OPCML: variants seen among roughly 807,000 people sequenced by gnomAD.
OPCML encodes the protein opioid binding protein/cell adhesion molecule like, also known as opioid-binding protein/cell adhesion molecule.
A neutral mutation model predicts 37.8 loss-of-function variants in OPCML; 13 were observed. That is an observed-to-expected ratio of 0.34 (90% CI 0.22 to 0.55). The LOEUF (loss-of-function observed/expected upper bound fraction) is 0.55. Ranked by LOEUF, OPCML falls within the 20% of genes least tolerant of loss-of-function variation. The probability of loss-of-function intolerance (pLI) is 0.91; values close to 1 mark genes in which losing one functional copy is unlikely to be tolerated. For synonymous variants in OPCML, 176 were observed against 168.8 expected (o/e 1.04, Z -0.33); for missense variants, 341 against 435.6 (o/e 0.78, Z 1.93).
At chr11:132,724,480 CACA>C (rs1944798958) in intron 2 of OPCML, among the ~76,000 whole-genome samples, 1 of 152,092 alleles carries the variant, frequency 6.6e-6, no homozygotes, top group Admixed American at 6.5e-5. Context: ...TGGTTCCTCC[CACA>C]ACAAGTTGGA....
At chr11:132,834,875 T>G (rs1940917120) in intron 2 of OPCML, among the ~76,000 whole-genome samples, 1 of 151,986 alleles carries the variant, frequency 6.6e-6, no homozygotes. Flanking sequence ...TGCAATGACA[T>G]TAAGATTAAA....
At chr11:133,220,780 A>T (rs1031221255) in intron 1 of OPCML, among the ~76,000 whole-genome samples, 2 of 151,226 alleles carry the variant, frequency 1.3e-5, no homozygotes, top group Admixed American at 1.3e-4. Flanking sequence ...CAAGCTCTGG[A>T]CTCCAAAGGA....
chr11:132,485,673 C>A (rs2137042227), intron 4 of OPCML, among the ~76,000 whole-genome samples: 1 of 152,258 alleles, frequency 6.6e-6, no homozygotes, highest in Non-Finnish European at 1.5e-5. Flanking sequence ...TGGCTGGCTT[C>A]TTTTGCTTAA....
intron 1 of OPCML, among the ~76,000 whole-genome samples, chr11:133,506,921 C>G (rs1327129105): frequency 6.6e-6 from 1 of 152,260 alleles, no homozygotes; most frequent in East Asian, 1.9e-4. Flanking sequence ...CCATTTGAAT[C>G]TGTGGTTCCC....
intron 7 of OPCML, among the ~76,000 whole-genome samples, chr11:132,429,584 C>A (rs1041567832): frequency 6.6e-6 from 1 of 152,004 alleles, no homozygotes; most frequent in Admixed American, 6.6e-5. Flanking sequence ...GAGACCCCTG[C>A]GGAATATTCA....
intron 1 of OPCML, among the ~76,000 whole-genome samples, chr11:133,138,568 A>C (rs1191325558): frequency 6.6e-6 from 1 of 152,192 alleles, no homozygotes; most frequent in East Asian, 1.9e-4. Flanking sequence ...AATCTGCTTA[A>C]TTTCCTGTTT....
At chr11:132,730,460 C>T (rs1945040054) in intron 2 of OPCML, among the ~76,000 whole-genome samples, 1 of 151,976 alleles carries the variant, frequency 6.6e-6, no homozygotes, top group Non-Finnish European at 1.5e-5. Context: ...AGCTCTGATC[C>T]TCCCTTGATA....
chr11:133,364,265 A>G (rs1212244636), intron 1 of OPCML, among the ~76,000 whole-genome samples: 1 of 152,230 alleles, frequency 6.6e-6, no homozygotes. Flanking sequence ...ACTACCAGCT[A>G]TTGCAGAATG....
chr11:133,358,981 A>G (rs548397446), intron 1 of OPCML, among the ~76,000 whole-genome samples: 16 of 151,510 alleles, frequency 1.1e-4, no homozygotes, highest in African/African-American at 3.4e-4. Context: ...GTGATAGGAG[A>G]TGAGGGATGA....
intron 3 of OPCML, among the ~76,000 whole-genome samples, chr11:132,628,365 CA>C (rs904398542): frequency 1.3e-5 from 2 of 151,938 alleles, no homozygotes; most frequent in African/African-American, 4.8e-5. Flanking sequence ...TTACTGGCAA[CA>C]AAAAAAATTT....
chr11:132,755,142 C>T (rs1160298262), intron 2 of OPCML, among the ~76,000 whole-genome samples: 2 of 152,076 alleles, frequency 1.3e-5, no homozygotes, highest in Non-Finnish European at 2.9e-5. Flanking sequence ...TGACAATTTC[C>T]TATGGTTCAA....
chr11:133,250,696 G>C (rs1941103203), intron 1 of OPCML, among the ~76,000 whole-genome samples: 1 of 152,192 alleles, frequency 6.6e-6, no homozygotes, highest in African/African-American at 2.4e-5. Flanking sequence ...AAAGAATACA[G>C]TGTTTACCAA....
intron 1 of OPCML, among the ~76,000 whole-genome samples, chr11:133,514,003 C>A (rs982148459): frequency 2.0e-5 from 3 of 152,114 alleles, no homozygotes; most frequent in Non-Finnish European, 4.4e-5. Flanking sequence ...CACACCAAGC[C>A]CCTCTAGGGC....
At position 133,003,871 on chromosome 11, in the gene OPCML, C is replaced by T. The variant is rs532535755; in HGVS notation, c.62-60861G>A. 2.3e-4 allele frequency: 222 copies of T among 985,372 alleles called. No individual in the cohort carries two copies. The African/African-American group carries it at 3.5e-3, about 16-fold the overall frequency. 61.0% of individuals were successfully genotyped at this position (985,372 alleles called of 1,614,324 possible). ...ATCCTTGCCATCCACCGTGTGCCCT[C>T]GACCCCTTTTGACAGTTGTCAGGAT... On this transcript the variant is annotated intron_variant, in intron 1 of 7. Transcript: ENST00000524381.
Position 133,392,503 on chromosome 11 carries a change from C to G in OPCML, c.61+139761G>C, listed in dbSNP as rs182728765. Among the ~76,000 whole-genome samples the G allele has an allele frequency of 1.1e-4, 17 of 152,314 alleles. No homozygotes were observed. In the East Asian group the frequency reaches 3.3e-3, roughly 29 times the overall value. On this transcript the variant is annotated intron_variant, in intron 1 of 7. Transcript: ENST00000524381. Reference sequence around the variant, plus strand: ...TCCTAAGAAGAAGGCTGGATCCTGTCGGAGGTGACTGGTCCTCTGGCACAT... The same window carrying G: ...TCCTAAGAAGAAGGCTGGATCCTGTGGGAGGTGACTGGTCCTCTGGCACAT...
intron 1 of OPCML, among the ~76,000 whole-genome samples, chr11:133,017,553 C>A (rs1212619303): frequency 6.6e-6 from 1 of 151,916 alleles, no homozygotes; most frequent in African/African-American, 2.4e-5. Context: ...ATGCACCCAG[C>A]TAATTTTGTA....
At chr11:133,465,308 A>G (rs1447981306) in intron 1 of OPCML, among the ~76,000 whole-genome samples, 1 of 152,094 alleles carries the variant, frequency 6.6e-6, no homozygotes, top group Admixed American at 6.5e-5. Flanking sequence ...GTGCATACCC[A>G]AGCGATCTAG....
At chr11:132,617,777 CAT>C (rs1489849455) in intron 3 of OPCML, among the ~76,000 whole-genome samples, 1 of 152,232 alleles carries the variant, frequency 6.6e-6, no homozygotes, top group African/African-American at 2.4e-5. Context: ...TGCTTACACA[CAT>C]AAAGATCACT....
At chr11:133,070,959 C>T (rs1412546166) in intron 1 of OPCML, among the ~76,000 whole-genome samples, 2 of 152,180 alleles carry the variant, frequency 1.3e-5, no homozygotes, top group Admixed American at 6.5e-5. Flanking sequence ...CTCCAGCAAG[C>T]CAGGCAAGGC....
Sources: gnomAD v4.1 joint callset for allele counts (sites outside exome capture counted in the v4.1 genomes callset) on GRCh38, gnomAD v4.1.1 for gene constraint, MANE v1.5 for transcripts, NCBI Gene and HGNC (gene_info 2026-07-23, HGNC 2026-07-21) for gene names.